FAM200B: variants seen among roughly 807,000 people sequenced by gnomAD.
FAM200B encodes zinc finger BED-type containing 11.
Under a neutral mutation model 33.1 loss-of-function variants are expected in FAM200B, and 32 were observed. The observed-to-expected ratio is 0.97, with a 90% confidence interval of 0.73 to 1.30. The LOEUF (loss-of-function observed/expected upper bound fraction) is 1.30, where lower values mean the gene tolerates loss of function less well. Among genes scored for constraint, FAM200B ranks in the 50% most tolerant of loss-of-function variants. FAM200B has a pLI of 0.00. For missense variants in FAM200B, 741 were observed against 754.0 expected, an observed-to-expected ratio of 0.98 and a Z score of 0.20; for synonymous variants, 240 against 264.8, an observed-to-expected ratio of 0.91 and a Z score of 0.91.
chr4:15,644,837 T>C, the FAM200B span: 2 of 638,022 alleles, frequency 3.1e-6, no homozygotes, highest in Non-Finnish European at 5.3e-6. Flanking sequence ...AAAGTACAAA[T>C]AAAAGAAATT....
the FAM200B span, among the ~76,000 whole-genome samples, chr4:15,666,881 A>C: frequency 6.6e-6 from 1 of 152,152 alleles, no homozygotes; most frequent in Non-Finnish European, 1.5e-5. Flanking sequence ...TAAAAAAAAA[A>C]AGACAGGCAA....
In FAM200B at chr4:15,687,731, GA is replaced by G. The variant is rs1168187395; in HGVS notation, c.755del (p.Asp252ValfsTer10). 6.5e-7 allele frequency: 1 copy of G among 1,550,332 alleles called. No individual in the cohort carries two copies. The highest frequency in any genetic ancestry group is 1.4e-5 in the African/African-American group (1 of 72,980). On this transcript the variant is annotated frameshift_variant, in exon 2 of 2. Coordinates refer to ENST00000422728, the MANE Select transcript of FAM200B (RefSeq NM_001145191.2). LOFTEE classifies it high-confidence loss of function. ...LVYVRYAWQD[D>X]FLEDFLCFLN... ...TTATGTCAGATATGCGTGGCAAGATGATTTTTTGGAGGATTTTTTGTGTTTT... is the reference window on the plus strand; with the variant it reads ...TTATGTCAGATATGCGTGGCAAGATGTTTTTTGGAGGATTTTTTGTGTTTT...
the FAM200B span, among the ~76,000 whole-genome samples, chr4:15,654,540 G>A: frequency 6.6e-6 from 1 of 152,172 alleles, no homozygotes; most frequent in Non-Finnish European, 1.5e-5. Context: ...TCTACATCCA[G>A]TAAGTGTTCA....
the FAM200B span, among the ~76,000 whole-genome samples, chr4:15,668,517 CTTTG>C: frequency 6.7e-5 from 10 of 149,546 alleles, no homozygotes; most frequent in Non-Finnish European, 1.5e-4. Flanking sequence ...TTGTATTGTT[CTTTG>C]TTTATTTCAA....
chr4:15,686,830 A>G lies in FAM200B; in HGVS notation c.-148A>G. 1 of 449,590 alleles carries G rather than the reference A, an allele frequency of 2.2e-6. No individual in the cohort carries two copies. The highest frequency in any genetic ancestry group is 4.0e-6 in the Non-Finnish European group (1 of 250,950). The allele number at this position is 449,590 out of a possible 1,614,324, so 27.9% of individuals were successfully genotyped here. Reference sequence around the variant, plus strand: ...TTTTATATTACAATTACTTGCAACTAGTTGTGAAGTCTGAAATATTCGATT... The same window carrying G: ...TTTTATATTACAATTACTTGCAACTGGTTGTGAAGTCTGAAATATTCGATT... On this transcript the variant is annotated 5_prime_UTR_variant, in exon 2 of 2. Coordinates refer to ENST00000422728, the MANE Select transcript of FAM200B (RefSeq NM_001145191.2).
the FAM200B span, chr4:15,655,093 G>A: frequency 1.2e-6 from 1 of 842,652 alleles, no homozygotes; most frequent in Non-Finnish European, 1.5e-6. Context: ...CTACTCGCGC[G>A]GCGACGGCAC....
chr4:15,667,635 T>C, the FAM200B span, among the ~76,000 whole-genome samples: 1 of 152,200 alleles, frequency 6.6e-6, no homozygotes, highest in Non-Finnish European at 1.5e-5. Context: ...GGACTTTGCC[T>C]GCTGCCACAA....
At chr4:15,655,425 C>G in the FAM200B span, 1 of 992,300 alleles carries the variant, frequency 1.0e-6, no homozygotes, top group Non-Finnish European at 1.2e-6. Context: ...GCTTGGCCGG[C>G]GGGGACGCGG....
At chr4:15,638,892 C>T in the FAM200B span, among the ~76,000 whole-genome samples, 2 of 152,118 alleles carry the variant, frequency 1.3e-5, no homozygotes, top group East Asian at 1.9e-4. Flanking sequence ...TGGCCAGGCG[C>T]GGTGGCTAAC....
At chr4:15,665,743 A>C in the FAM200B span, among the ~76,000 whole-genome samples, 1 of 152,226 alleles carries the variant, frequency 6.6e-6, no homozygotes, top group Non-Finnish European at 1.5e-5. Flanking sequence ...TAGGATGAGA[A>C]TATCTGGCCC....
chr4:15,653,394 C>T, the FAM200B span, among the ~76,000 whole-genome samples: 1 of 152,192 alleles, frequency 6.6e-6, no homozygotes, highest in African/African-American at 2.4e-5. Flanking sequence ...GAGCGACTAA[C>T]TTCTTGAAAA....
chr4:15,644,535 G>C, the FAM200B span: 1 of 1,613,902 alleles, frequency 6.2e-7, no homozygotes, highest in South Asian at 1.1e-5. Context: ...TAAGCATCTC[G>C]GAGAGTTTAT....
chr4:15,645,561 G>A, the FAM200B span, among the ~76,000 whole-genome samples: 1 of 152,056 alleles, frequency 6.6e-6, no homozygotes, highest in Non-Finnish European at 1.5e-5. Flanking sequence ...CTGAGTAGCT[G>A]GGATTACAGG....
chr4:15,660,008 T>C, the FAM200B span: 1 of 152,046 alleles, frequency 6.6e-6, no homozygotes, highest in Non-Finnish European at 1.5e-5. Flanking sequence ...AGTTGCTTAA[T>C]CCCTGCCTAC....
At chr4:15,670,914 C>CT in the FAM200B span, among the ~76,000 whole-genome samples, 106 of 54,182 alleles carry the variant, frequency 2.0e-3, 15 homozygotes, top group African/African-American at 3.0e-3. Context: ...TGTGCGTAGA[C>CT]TTTTTTTTTT....
At chr4:15,647,982 C>T in the FAM200B span, among the ~76,000 whole-genome samples, 1 of 152,094 alleles carries the variant, frequency 6.6e-6, no homozygotes. Context: ...CTCAGCCTTC[C>T]GAATAGCTGG....
At chr4:15,661,719 C>G in the FAM200B span, among the ~76,000 whole-genome samples, 8 of 152,176 alleles carry the variant, frequency 5.3e-5, no homozygotes, top group Non-Finnish European at 8.8e-5. Context: ...CCCTTTAAAA[C>G]TTAAATGGCT....
At chr4:15,641,160 T>C in the FAM200B span, among the ~76,000 whole-genome samples, 1 of 152,190 alleles carries the variant, frequency 6.6e-6, no homozygotes, top group Non-Finnish European at 1.5e-5. Flanking sequence ...ATATAAATTA[T>C]ATACATTTAT....
upstream of FAM200B, chr4:15,681,244 A>C (rs895904871): frequency 1.3e-5 from 2 of 152,312 alleles, no homozygotes; most frequent in Non-Finnish European, 2.9e-5. Context: ...AAAGTTCAAA[A>C]TTCTCTAATT....
Sources: allele counts gnomAD v4.1 joint callset (sites outside exome capture counted in the v4.1 genomes callset), GRCh38; gene constraint gnomAD v4.1.1; transcripts MANE v1.5; gene names NCBI Gene and HGNC (gene_info 2026-07-23, HGNC 2026-07-21).